Variants in PON2 observed in about 807,000 individuals in gnomAD.
PON2 encodes the protein paraoxonase 2.
Under a neutral mutation model 36.6 loss-of-function variants are expected in PON2, and 27 were observed. That is an observed-to-expected ratio of 0.74 (90% confidence interval 0.54 to 1.02). The LOEUF is 1.02. PON2 is among the 50% of genes least tolerant of loss of function. PON2 has a pLI of 0.00. For synonymous variants in PON2, 149 were observed against 156.3 expected, an observed-to-expected ratio of 0.95 and a Z score of 0.35; for missense variants, 363 against 421.1, an observed-to-expected ratio of 0.86 and a Z score of 1.21.
At chr7:95,432,882 G>A (rs190590031) in intron 1 of PON2, among the ~76,000 whole-genome samples, 67 of 152,286 alleles carry the variant, frequency 4.4e-4, no homozygotes, top group Middle Eastern at 3.4e-3. Flanking sequence ...GTGGAGCTGT[G>A]GCACAAACTC....
At chr7:95,432,652 T>C (rs1300090849) in intron 1 of PON2, among the ~76,000 whole-genome samples, 1 of 152,192 alleles carries the variant, frequency 6.6e-6, no homozygotes, top group Non-Finnish European at 1.5e-5. Context: ...TTTGGTGGTC[T>C]TGCCTTTGAA....
chr7:95,426,555 T>C (rs755434311), intron 1 of PON2, among the ~76,000 whole-genome samples: 2 of 152,232 alleles, frequency 1.3e-5, no homozygotes, highest in Non-Finnish European at 2.9e-5. Flanking sequence ...GCTTTTGCTT[T>C]AAACTACTTT....
chr7:95,433,923 T>C (rs1423688770), intron 1 of PON2, among the ~76,000 whole-genome samples: 1 of 152,248 alleles, frequency 6.6e-6, no homozygotes, highest in Non-Finnish European at 1.5e-5. Context: ...TCCTAATTTA[T>C]ACATTTACTG....
chr7:95,434,902 A>G lies in PON2; in HGVS notation c.50T>C (p.Leu17Pro). 6.5e-7 allele frequency: 1 copy of G among 1,540,150 alleles called. No individual in the cohort carries two copies. Among genetic ancestry groups the G allele is most frequent in the South Asian group, 1.2e-5 (1 of 83,350 alleles). ...CCTGAGTGCCAGAAGCCTCTCGCCC[A>G]GGAGCGCCAGCGCGATCCCCAGCAA... ...VGLLGIALAL[L>P]GERLLALRNR... is the part of the protein sequence containing the mutation. Residue 17 changes from leucine to proline, a missense_variant, in exon 1 of 9, where the codon CTG becomes CCG. Leu to Pro is a moderately conservative substitution (Grantham distance 98). Transcript: ENST00000222572.
chr7:95,430,985 C>G (rs561457313), intron 1 of PON2, among the ~76,000 whole-genome samples: 21 of 151,642 alleles, frequency 1.4e-4, no homozygotes, highest in African/African-American at 3.9e-4. Context: ...ATAAAAGGTG[C>G]GAGGCAGCAA....
intron 2 of PON2, among the ~76,000 whole-genome samples, chr7:95,422,112 CTG>C (rs1222940942): frequency 6.6e-6 from 1 of 152,160 alleles, no homozygotes; most frequent in Non-Finnish European, 1.5e-5. Context: ...TTGCAAAAAA[CTG>C]TAACAACCCA....
intron 2 of PON2, among the ~76,000 whole-genome samples, chr7:95,419,898 C>T (rs1334694882): frequency 6.6e-6 from 1 of 152,158 alleles, no homozygotes; most frequent in Non-Finnish European, 1.5e-5. Context: ...TAAAAATAAA[C>T]ATCTCTTTTC....
chr7:95,406,516 A>G (rs766110548), intron 7 of PON2, among the ~76,000 whole-genome samples: 1 of 152,234 alleles, frequency 6.6e-6, no homozygotes, highest in Non-Finnish European at 1.5e-5. Flanking sequence ...AAAGATGCAC[A>G]ATGATCAGTT....
At chr7:95,411,526 C>A in intron 5 of PON2, 127 bp downstream of exon 5, 1 of 1,169,818 alleles carries the variant, frequency 8.5e-7, no homozygotes, top group Admixed American at 2.2e-5. Flanking sequence ...GAAATATAAG[C>A]TCTTTAGCTC....
At chr7:95,422,548 A>T (rs1236539187) in intron 2 of PON2, among the ~76,000 whole-genome samples, 3 of 152,234 alleles carry the variant, frequency 2.0e-5, no homozygotes, top group Admixed American at 1.3e-4. Flanking sequence ...ATTAAGTACA[A>T]AAAGCTAGTT....
At position 95,410,083 on chromosome 7, in the gene PON2, A is replaced by G; in HGVS notation, c.513T>C (p.Ala171=). ...ELLPSVNDIT[A]VGPAHFYATN... ...TGGCATAGAAATGTGCCGGTCCAAC[A>G]GCTGTGATGTCATTCACACTGAAAA... Residue 171 remains alanine (A), a synonymous_variant, in exon 6 of 9, where the codon GCT becomes GCC. Transcript: ENST00000222572. 6.2e-7 allele frequency: 1 copy of G among 1,613,634 alleles called. No homozygotes were observed. The highest frequency in any genetic ancestry group is 8.5e-7 in the Non-Finnish European group (1 of 1,179,674).
intron 2 of PON2, among the ~76,000 whole-genome samples, chr7:95,419,037 A>G (rs1317174568): frequency 2.6e-5 from 4 of 152,196 alleles, no homozygotes; most frequent in African/African-American, 9.7e-5. Flanking sequence ...TATACAAACC[A>G]CAATATCATT....
chr7:95,413,898 G>A (rs1028605865), intron 3 of PON2, among the ~76,000 whole-genome samples: 1 of 152,150 alleles, frequency 6.6e-6, no homozygotes, highest in Non-Finnish European at 1.5e-5. Flanking sequence ...ACATGGCAGT[G>A]CCACTTCAGT....
At chr7:95,422,141 G>A (rs2116490568) in intron 2 of PON2, among the ~76,000 whole-genome samples, 1 of 152,222 alleles carries the variant, frequency 6.6e-6, no homozygotes, top group Admixed American at 6.5e-5. Context: ...CATTAAAAGG[G>A]GAATGGTTAA....
At chr7:95,416,113 G>A in intron 3 of PON2, 129 bp downstream of exon 3, 12 of 1,490,040 alleles carry the variant, frequency 8.1e-6, no homozygotes, top group Non-Finnish European at 1.1e-5. Context: ...CCAAGATCTT[G>A]TTTGACCTCT....
intron 1 of PON2, 144 bp from the exon 2 acceptor site, chr7:95,424,729 A>G: frequency 1.4e-6 from 1 of 695,170 alleles, no homozygotes; most frequent in Non-Finnish European, 2.4e-6. Flanking sequence ...AAATAGAAAG[A>G]CAAGGGTAGG....
chr7:95,426,999 G>C (rs186132617), intron 1 of PON2, among the ~76,000 whole-genome samples: 2 of 152,122 alleles, frequency 1.3e-5, no homozygotes, highest in African/African-American at 2.4e-5. Context: ...TTAGGTTTGC[G>C]TAAGTAATTG....
rs754168951 is a variant in PON2, at chr7:95,405,440, C to T, written c.955G>A (p.Val319Ile). ...AGAACAGACCCATTGTTGGCATAAACTGTAGTCACTGTAGGCTTCTCAGAT... is the reference window on the plus strand; with the variant it reads ...AGAACAGACCCATTGTTGGCATAAATTGTAGTCACTGTAGGCTTCTCAGAT... ...ILSEKPTVTT[V>I]YANNGSVLQG... Residue 319 changes from valine to isoleucine, a missense_variant, in exon 9 of 9, where the codon GTT becomes ATT. Transcript: ENST00000222572. 2 of 1,613,574 alleles carry T rather than the reference C, an allele frequency of 1.2e-6. No homozygotes were observed. The highest frequency in any genetic ancestry group is 2.2e-5 in the South Asian group (2 of 91,062).
chr7:95,416,314 C>T lies in PON2; in HGVS notation c.146-17G>A, dbSNP rs193012009. On this transcript the variant is annotated splice_polypyrimidine_tract_variant and intron_variant, in intron 2 of 8. Transcript: ENST00000222572. The stretch of plus-strand genomic sequence containing the variant: ...AGCCAGCTTCTGTAAGTTTAAGGAA[C>T]AGATAAATGTCATGTTCAAGTTCTG... 2 of 1,612,650 alleles carry T rather than the reference C, an allele frequency of 1.2e-6. No homozygotes were observed. The highest frequency in any genetic ancestry group is 8.5e-7 in the Non-Finnish European group (1 of 1,178,754).
Sources: allele counts gnomAD v4.1 joint callset (sites outside exome capture counted in the v4.1 genomes callset), GRCh38; gene constraint gnomAD v4.1.1; transcripts MANE v1.5; gene names NCBI Gene and HGNC (gene_info 2026-07-23, HGNC 2026-07-21).